MS4A15: variants seen among roughly 807,000 people sequenced by gnomAD.
MS4A15 encodes membrane-spanning 4-domains subfamily A member 15.
Under a neutral mutation model 20.6 loss-of-function variants are expected in MS4A15, and 22 were observed. The ratio of observed to expected loss-of-function variants is 1.07; its 90% CI spans 0.76 to 1.52. MS4A15 has a LOEUF of 1.52. MS4A15 is among the 40% of genes most tolerant of loss of function. MS4A15 has a pLI of 0.00. For synonymous variants in MS4A15, 129 were observed against 129.3 expected, an observed-to-expected ratio of 1.00 and a Z score of 0.02; for missense variants, 312 against 323.0, an observed-to-expected ratio of 0.97 and a Z score of 0.26.
chr11:60,770,305 G>C (rs955921250), intron 3 of MS4A15, among the ~76,000 whole-genome samples: 1 of 152,102 alleles, frequency 6.6e-6, no homozygotes, highest in African/African-American at 2.4e-5. Flanking sequence ...TCCCCAATTA[G>C]AATATAAGTT....
chr11:60,768,117 C>T (rs1161254638), intron 3 of MS4A15, among the ~76,000 whole-genome samples: 1 of 152,112 alleles, frequency 6.6e-6, no homozygotes, highest in African/African-American at 2.4e-5. Context: ...CGCTTTAACC[C>T]GGGAGGCGGA....
At chr11:60,774,671 C>G (rs1854138442) in intron 6 of MS4A15, among the ~76,000 whole-genome samples, 1 of 152,148 alleles carries the variant, frequency 6.6e-6, no homozygotes, top group African/African-American at 2.4e-5. Flanking sequence ...GGAAATTAAG[C>G]TTTGATTTCC....
chr11:60,771,687 G>A, intron 4 of MS4A15: 1 of 1,354,584 alleles, frequency 7.4e-7, no homozygotes, highest in Non-Finnish European at 9.7e-7. Flanking sequence ...AGGGAAAGCT[G>A]GAGAATGCAC....
chr11:60,775,701 C>T lies in MS4A15; in HGVS notation c.709C>T (p.Gln237Ter). 1 of 1,613,368 alleles carries T rather than the reference C, an allele frequency of 6.2e-7. No homozygotes were observed. Among genetic ancestry groups the T allele is most frequent in the Non-Finnish European group, 8.5e-7 (1 of 1,179,592 alleles). Residue 237 changes from glutamine (Q) to a stop codon, truncating the protein, a stop_gained, in exon 7 of 7, where the codon CAA (glutamine) becomes TAA (stop). Transcript: ENST00000405633. LOFTEE classifies it high-confidence loss of function. ...TGCCTATGACAATGTGGCATATGCC[C>T]AAGGAGTCGTCTGAGTAGCAGATGT... ...PPAYDNVAYAQGVV is the reference protein window; with the variant it reads ...PPAYDNVAYA
Position 60,767,569 on chromosome 11 carries a change from T to C in MS4A15, c.262T>C (p.Phe88Leu), listed in dbSNP as rs1853914841. ...CCTCATCGGCCTCATCCACCTAGGC[T>C]TTGGCAGCGTGCTGCTCATGGTTCG... ...QILIGLIHLG[F>L]GSVLLMVRRG... is the part of the protein sequence containing the mutation. Residue 88 changes from phenylalanine (F) to leucine (L), a missense_variant, in exon 3 of 7, where the codon TTT becomes CTT. Phe to Leu is a conservative substitution (Grantham distance 22). Coordinates refer to ENST00000405633, the MANE Select transcript of MS4A15 (RefSeq NM_001098835.2). 1 of 1,553,310 alleles carries C rather than the reference T, an allele frequency of 6.4e-7. No homozygotes were observed. The highest frequency in any genetic ancestry group is 8.7e-7 in the Non-Finnish European group (1 of 1,147,752).
chr11:60,760,207 G>C (rs1317901650), intron 1 of MS4A15, among the ~76,000 whole-genome samples: 1 of 152,222 alleles, frequency 6.6e-6, no homozygotes, highest in African/African-American at 2.4e-5. Context: ...TACACACACA[G>C]ATGTGGTTTG....
Position 60,763,935 on chromosome 11 carries a change from A to G in MS4A15, c.202A>G (p.Thr68Ala). 6.2e-7 allele frequency: 1 copy of G among 1,612,774 alleles called. No individual in the cohort carries two copies. Among genetic ancestry groups the G allele is most frequent in the East Asian group, 2.2e-5 (1 of 44,886 alleles). Residue 68 changes from threonine (T) to alanine (A), a missense_variant, in exon 2 of 7, where the codon ACA (threonine) becomes GCA (alanine). Thr to Ala is a moderately conservative substitution (Grantham distance 58). Coordinates refer to ENST00000405633, the MANE Select transcript of MS4A15 (RefSeq NM_001098835.2). ...PDLRPVETFL[T>A]GEPKVLGTVQ... ...CTTGCGGCCCGTGGAGACATTCCTG[A>G]CAGGAGAGCCCAAAGTTTTGGGGGT...
chr11:60,767,688 G>T, intron 3 of MS4A15, 33 bp downstream of exon 3: 1 of 1,515,406 alleles, frequency 6.6e-7, no homozygotes, highest in Non-Finnish European at 8.8e-7. Flanking sequence ...GGGAGGGTAG[G>T]GGGATGCTGC....
intron 1 of MS4A15, among the ~76,000 whole-genome samples, chr11:60,757,735 G>A (rs1011427412): frequency 8.5e-5 from 13 of 152,276 alleles, no homozygotes; most frequent in African/African-American, 2.9e-4. Context: ...ATGGTTCTTG[G>A]ATAAGACCTC....
chr11:60,761,270 C>T (rs1590974790), intron 1 of MS4A15, among the ~76,000 whole-genome samples: 1 of 152,180 alleles, frequency 6.6e-6, no homozygotes, highest in Non-Finnish European at 1.5e-5. Context: ...ATAGCACATG[C>T]TAAGTGTGTT....
chr11:60,765,770 TG>T (rs1210443390), intron 2 of MS4A15, among the ~76,000 whole-genome samples: 2 of 151,156 alleles, frequency 1.3e-5, no homozygotes, highest in Non-Finnish European at 2.9e-5. Flanking sequence ...GGGACTGGAC[TG>T]GGGGCACAGA....
Position 60,773,956 on chromosome 11 carries a change from T to TCCCCCCCCCC in MS4A15, c.612+6_612+7insCCCCCCCCCC. 1 of 1,606,314 alleles carries TCCCCCCCCCC rather than the reference T, an allele frequency of 6.2e-7. No homozygotes were observed. The highest frequency in any genetic ancestry group is 8.5e-7 in the Non-Finnish European group (1 of 1,173,642). On this transcript the variant is annotated splice_region_variant and intron_variant, in intron 6 of 6. Coordinates refer to ENST00000405633, the MANE Select transcript of MS4A15 (RefSeq NM_001098835.2). ...TCCATGCCCAGGCCAGTGCAGTGAG[T>TCCCCCCCCCC]ACCCCCACCCCCACCCCCACGTCCA...
In MS4A15 at chr11:60,773,817, C is replaced by T. The variant is rs1404020315; in HGVS notation, c.499-20C>T. On this transcript the variant is annotated intron_variant, in intron 5 of 6. Transcript: ENST00000405633. ...ACTCTAGAACTCTGGGCTCACCTTT[C>T]TGTGGGTTTTGGTCCCCAGGATGTG... 1 of 1,604,924 alleles carries T rather than the reference C, an allele frequency of 6.2e-7. No homozygotes were observed. Among genetic ancestry groups the T allele is most frequent in the East Asian group, 2.2e-5 (1 of 44,860 alleles).
At chr11:60,758,901 C>T (rs534694486) in intron 1 of MS4A15, among the ~76,000 whole-genome samples, 98 of 152,358 alleles carry the variant, frequency 6.4e-4, no homozygotes, top group Non-Finnish European at 1.2e-3. Context: ...AATCCAGGAA[C>T]ATTTTAAAAC....
At position 60,776,392 on chromosome 11, in the gene MS4A15, T is replaced by C. The variant is rs552576266; in HGVS notation, c.*677T>C. On this transcript the variant is annotated 3_prime_UTR_variant, in exon 7 of 7. Coordinates refer to ENST00000405633, the MANE Select transcript of MS4A15 (RefSeq NM_001098835.2). ...ACCCTCATTTTCCTTGTCTGTAATA[T>C]GAAGTCAGCATTGGCCCCGCCCCCC... 1 of 152,274 alleles carries C rather than the reference T, an allele frequency of 6.6e-6. No individual in the cohort carries two copies. The allele number at this position is 152,274 out of a possible 1,614,324, so 9.4% of individuals were successfully genotyped here. A position where few individuals can be genotyped will look rare whatever the true frequency, so the allele number is the denominator to read the frequency against.
chr11:60,770,341 T>G (rs1854002198), intron 3 of MS4A15, among the ~76,000 whole-genome samples: 1 of 152,154 alleles, frequency 6.6e-6, no homozygotes, highest in South Asian at 2.1e-4. Flanking sequence ...GGCTGATGAC[T>G]GTAATCCCAG....
chr11:60,757,512 G>A (rs1420661914), intron 1 of MS4A15, among the ~76,000 whole-genome samples: 1 of 152,150 alleles, frequency 6.6e-6, no homozygotes, highest in East Asian at 1.9e-4. Context: ...GGAGGCGGGC[G>A]GGGGGTCCTC....
At chr11:60,761,107 G>A (rs757338542) in intron 1 of MS4A15, among the ~76,000 whole-genome samples, 1 of 152,152 alleles carries the variant, frequency 6.6e-6, no homozygotes, top group African/African-American at 2.4e-5. Context: ...TTCATGGTGG[G>A]ATGCTGACCT....
rs1854185020 is a variant in MS4A15 at position 60,775,990 on chromosome 11, G to C, written c.*275G>C. The C allele has an allele frequency of 3.2e-6, 1 of 310,040 alleles. No individual in the cohort carries two copies. Among genetic ancestry groups the C allele is most frequent in the Admixed American group, 4.6e-5 (1 of 21,752 alleles). The allele number at this position is 310,040 out of a possible 1,614,324, so 19.2% of individuals were successfully genotyped here. A position where few individuals can be genotyped will look rare whatever the true frequency, so the allele number is the denominator to read the frequency against. On this transcript the variant is annotated 3_prime_UTR_variant, in exon 7 of 7. Coordinates refer to ENST00000405633, the MANE Select transcript of MS4A15 (RefSeq NM_001098835.2). ...CACCCTTCCAGGACACCCACCTTGT[G>C]CATCTAAGCATTTCTCTGCTCATTG...
Sources: gnomAD v4.1 joint callset for allele counts (sites outside exome capture counted in the v4.1 genomes callset) on GRCh38, gnomAD v4.1.1 for gene constraint, MANE v1.5 for transcripts, NCBI Gene and HGNC (gene_info 2026-07-23, HGNC 2026-07-21) for gene names.